Variants in CHODL observed in about 807,000 individuals in gnomAD.
CHODL encodes the protein chondrolectin.
Under a neutral mutation model 34.5 loss-of-function variants are expected in CHODL, and 29 were observed. That is an observed-to-expected ratio of 0.84 (90% CI 0.63 to 1.15). CHODL has a LOEUF of 1.15. Ranked by LOEUF, CHODL falls within the 50% of genes most tolerant of loss-of-function variation. The probability of loss-of-function intolerance (pLI) is 0.00; values close to 1 mark genes in which losing one functional copy is unlikely to be tolerated. For synonymous variants in CHODL, 125 were observed against 116.1 expected, an observed-to-expected ratio of 1.08 and a Z score of -0.49; for missense variants, 332 against 332.5, an observed-to-expected ratio of 1.00 and a Z score of 0.01.
intron 1 of CHODL, among the ~76,000 whole-genome samples, chr21:18,009,174 G>C (rs545134631): frequency 1.3e-5 from 2 of 151,894 alleles, no homozygotes; most frequent in African/African-American, 4.8e-5. Flanking sequence ...ATACAATTCC[G>C]TTCAGTTGAA....
At chr21:18,146,921 C>T (rs2072897616) in intron 2 of CHODL, among the ~76,000 whole-genome samples, 1 of 152,196 alleles carries the variant, frequency 6.6e-6, no homozygotes, top group African/African-American at 2.4e-5. Flanking sequence ...CTACCTTCTT[C>T]TCTCATTGCT....
chr21:18,037,928 A>C (rs1373102827), intron 2 of CHODL, among the ~76,000 whole-genome samples: 1 of 151,784 alleles, frequency 6.6e-6, no homozygotes, highest in Non-Finnish European at 1.5e-5. Flanking sequence ...AACTGTTTGC[A>C]TTCTTACCTT....
At chr21:18,053,837 C>A (rs1487320292) in intron 2 of CHODL, among the ~76,000 whole-genome samples, 1 of 151,778 alleles carries the variant, frequency 6.6e-6, no homozygotes, top group African/African-American at 2.4e-5. Flanking sequence ...CTAACCACTA[C>A]ACATTTTCAG....
chr21:17,968,339 T>TTATTTA (rs1479384870), intron 1 of CHODL, among the ~76,000 whole-genome samples: 14 of 152,338 alleles, frequency 9.2e-5, no homozygotes, highest in Non-Finnish European at 1.9e-4. Context: ...CTGTTTTCCC[T>TTATTTA]CTGTACCTTG....
Position 18,211,845 on chromosome 21 carries a change from T to C in CHODL, c.-44-44664T>C, listed in dbSNP as rs535575222. Among the ~76,000 whole-genome samples, 3 of 152,324 alleles carry C rather than the reference T, an allele frequency of 2.0e-5. No individual in the cohort carries two copies. In the East Asian group the frequency reaches 5.8e-4, roughly 29 times the overall value. ...GCCTCTCTAGGCTTGTTTTTGCTAG[T>C]TGCATTTTTTTATTTGTTTGTCCAC... On this transcript the variant is annotated intron_variant, in intron 2 of 6. Transcript: ENST00000400127.
chr21:18,116,690 C>T (rs550386024), intron 2 of CHODL, among the ~76,000 whole-genome samples: 2 of 152,272 alleles, frequency 1.3e-5, no homozygotes, highest in African/African-American at 4.8e-5. Context: ...AAGTGATGAT[C>T]CCAGCACCAT....
chr21:18,049,829 C>T (rs370263108), intron 2 of CHODL, among the ~76,000 whole-genome samples: 12 of 151,914 alleles, frequency 7.9e-5, no homozygotes, highest in African/African-American at 2.7e-4. Context: ...ATTATGGGGT[C>T]CTGGGGGTTA....
intron 2 of CHODL, among the ~76,000 whole-genome samples, chr21:18,172,529 T>C (rs2073244565): frequency 6.6e-6 from 1 of 152,088 alleles, no homozygotes; most frequent in East Asian, 1.9e-4. Context: ...TTAATTCACA[T>C]TGAAATACAA....
intron 1 of CHODL, among the ~76,000 whole-genome samples, chr21:18,023,334 G>C (rs1239488461): frequency 6.6e-6 from 1 of 152,106 alleles, no homozygotes; most frequent in East Asian, 1.9e-4. Context: ...GTTGGTTGTG[G>C]TATGAGCCAG....
At chr21:18,108,013 T>C (rs1198611152) in intron 2 of CHODL, among the ~76,000 whole-genome samples, 2 of 152,212 alleles carry the variant, frequency 1.3e-5, no homozygotes, top group African/African-American at 4.8e-5. Context: ...CAGGCTGGGA[T>C]TTGCTTGCCC....
At chr21:18,200,012 G>A (rs534406804) in intron 2 of CHODL, among the ~76,000 whole-genome samples, 1 of 152,256 alleles carries the variant, frequency 6.6e-6, no homozygotes, top group Non-Finnish European at 1.5e-5. Flanking sequence ...ACTATGTTTA[G>A]CTTTGTAAGA....
At chr21:18,151,951 A>T (rs1027777373) in intron 2 of CHODL, among the ~76,000 whole-genome samples, 2 of 151,534 alleles carry the variant, frequency 1.3e-5, no homozygotes, top group Non-Finnish European at 2.9e-5. Context: ...TTTTGAGGGG[A>T]TACATTCAGT....
intron 2 of CHODL, among the ~76,000 whole-genome samples, chr21:18,142,033 C>A (rs771511997): frequency 3.3e-5 from 5 of 151,966 alleles, no homozygotes; most frequent in Non-Finnish European, 4.4e-5. Context: ...CCAAAGAATT[C>A]GGAAATTACA....
intron 1 of CHODL, among the ~76,000 whole-genome samples, chr21:18,022,119 CA>C (rs2064133592): frequency 6.6e-6 from 1 of 152,192 alleles, no homozygotes; most frequent in African/African-American, 2.4e-5. Flanking sequence ...CAAATCATCA[CA>C]AACTTGAGGG....
chr21:17,965,105 C>G (rs188154656), intron 1 of CHODL, among the ~76,000 whole-genome samples: 3 of 152,046 alleles, frequency 2.0e-5, no homozygotes, highest in African/African-American at 4.8e-5. Context: ...ATCTCTTAAA[C>G]CATTTATTTT....
At chr21:18,131,339 A>G (rs930156057) in intron 2 of CHODL, among the ~76,000 whole-genome samples, 2 of 152,146 alleles carry the variant, frequency 1.3e-5, no homozygotes, top group Admixed American at 6.5e-5. Context: ...AGTCCATTCA[A>G]TATCTTAATG....
chr21:18,062,004 G>A (rs1197242748), intron 2 of CHODL, among the ~76,000 whole-genome samples: 1 of 152,180 alleles, frequency 6.6e-6, no homozygotes, highest in Non-Finnish European at 1.5e-5. Flanking sequence ...TGCAATTGAT[G>A]TAAGGCCTGG....
chr21:18,017,842 A>G (rs571189721), intron 1 of CHODL, among the ~76,000 whole-genome samples: 4 of 152,232 alleles, frequency 2.6e-5, no homozygotes, highest in African/African-American at 9.6e-5. Context: ...ACAGGCACTC[A>G]ACAACCTATG....
At chr21:18,094,052 CAA>C (rs939819481) in intron 2 of CHODL, among the ~76,000 whole-genome samples, 27 of 151,588 alleles carry the variant, frequency 1.8e-4, no homozygotes, top group African/African-American at 6.1e-4. Flanking sequence ...CCAATGGAAA[CAA>C]AAAAAGCAAT....
Sources: gnomAD v4.1 joint callset for allele counts (sites outside exome capture counted in the v4.1 genomes callset) on GRCh38, gnomAD v4.1.1 for gene constraint, MANE v1.5 for transcripts, NCBI Gene and HGNC (gene_info 2026-07-23, HGNC 2026-07-21) for gene names.